The following GPAA1 variants were observed in gnomAD, a reference collection of about 807,000 sequenced individuals.
GPAA1 encodes the protein GPI-anchor transamidase component GPAA1.
A neutral mutation model predicts 64.0 loss-of-function variants in GPAA1; 54 were observed. That is an observed-to-expected ratio of 0.84 (90% confidence interval 0.68 to 1.06). The LOEUF (loss-of-function observed/expected upper bound fraction) is 1.06, where lower values mean the gene tolerates loss of function less well. Among genes scored for constraint, GPAA1 ranks in the 50% least tolerant of loss-of-function variants. The pLI, the probability that GPAA1 is intolerant of heterozygous loss-of-function variation, is 0.00. For missense variants in GPAA1, 780 were observed against 822.3 expected (o/e 0.95, Z 0.63); for synonymous variants, 393 against 377.3 (o/e 1.04, Z -0.48).
chr8:144,084,907 C>T (rs782517058), intron 8 of GPAA1, 32 bp downstream of exon 8: 4 of 1,610,520 alleles, frequency 2.5e-6, no homozygotes, highest in African/African-American at 2.7e-5. Flanking sequence ...CTACCTGTGA[C>T]CAGCCTCCAG....
At position 144,083,109 on chromosome 8, in the gene GPAA1, C is replaced by A; in HGVS notation, c.75-15C>A. The stretch of plus-strand genomic sequence containing the variant: ...ACCCGCTGACGCTCCGGTGCCCCTC[C>A]GTCCTCTCTCACAGCGTGCTGAGCT... On this transcript the variant is annotated splice_polypyrimidine_tract_variant and intron_variant, in intron 1 of 11. Transcript: ENST00000355091. The A allele has an allele frequency of 6.2e-7, 1 of 1,607,590 alleles. No homozygotes were observed. The highest frequency in any genetic ancestry group is 8.5e-7 in the Non-Finnish European group (1 of 1,177,238).
chr8:144,083,560 C>A, intron 3 of GPAA1, 60 bp downstream of exon 3: 1 of 1,462,748 alleles, frequency 6.8e-7, no homozygotes, highest in Admixed American at 1.7e-5. Flanking sequence ...GGGGTCTGGG[C>A]TGGGTATCAC....
rs782229443 is a variant in GPAA1 at position 144,083,441 on chromosome 8, G to A, written c.307G>A (p.Val103Ile). The A allele has an allele frequency of 3.1e-6, 5 of 1,613,642 alleles. No individual in the cohort carries two copies. Among genetic ancestry groups the A allele is most frequent in the South Asian group, 1.1e-5 (1 of 91,080 alleles). Residue 103 changes from valine to isoleucine, a missense_variant, in exon 3 of 12, where the codon GTC becomes ATC. Transcript: ENST00000355091. ...GACGATGCGGTCAGTAGGGCTGGAG[G>A]TCTACACGCAGAGTTTCTCCCGGAA... ...ERTMRSVGLE[V>I]YTQSFSRKLP...
rs368735326 is a variant in GPAA1 at position 144,084,421 on chromosome 8, C to G, written c.822C>G (p.Pro274=). 1.1e-5 allele frequency: 18 copies of G among 1,611,408 alleles called. No homozygotes were observed. The highest frequency in any genetic ancestry group is 2.2e-5 in the East Asian group (1 of 44,850). The part of the protein sequence containing the change: ...LLCTLQGKLQ[P]EDWTSLDGPL... ...GTCCTGCACCTCTAAAGCTGCAGCC[C>G]GAGGACTGGACATCATTGGATGGAC... is the stretch of plus-strand genomic sequence containing the variant. Residue 274 remains proline, a synonymous_variant, in exon 7 of 12, where the codon CCC becomes CCG. Coordinates refer to ENST00000355091, the MANE Select transcript of GPAA1 (RefSeq NM_003801.4).
chr8:144,084,081 G>A, intron 5 of GPAA1, 41 bp downstream of exon 5: 1 of 1,608,192 alleles, frequency 6.2e-7, no homozygotes, highest in Non-Finnish European at 8.5e-7. Flanking sequence ...CCCCTCTCAG[G>A]GTCACTGTCC....
rs1554763819 is a variant in GPAA1, at chr8:144,083,379, G to T, written c.255-10G>T. 2 of 1,612,618 alleles carry T rather than the reference G, an allele frequency of 1.2e-6. No homozygotes were observed. The highest frequency in any genetic ancestry group is 1.7e-5 in the Admixed American group (1 of 60,030). ...GGAGCTCTGCTCAGAGGCTCCCTTC[G>T]TGTCTGCAGGGCTCTGCCAGTGGCC... is the stretch of plus-strand genomic sequence containing the variant. On this transcript the variant is annotated splice_polypyrimidine_tract_variant and intron_variant, in intron 2 of 11. Transcript: ENST00000355091.
rs532849593 is a variant in GPAA1, at chr8:144,084,575, C to T, written c.976C>T (p.Arg326Cys). ...ALTLRGINSF[R>C]QYKYDLVAVG... ...AACCCTGCGTGGCATCAATAGCTTC[C>T]GCCAGTACAAGTATGACCTGGTGGC... The change falls in exon 7 of 12, where the codon CGC becomes TGC. Residue 326 changes from arginine to cysteine, a missense_variant. Arg to Cys is a radical substitution (Grantham distance 180, BLOSUM62 -3). Coordinates refer to ENST00000355091, the MANE Select transcript of GPAA1 (RefSeq NM_003801.4). The T allele has an allele frequency of 9.3e-6, 15 of 1,613,818 alleles. No individual in the cohort carries two copies. The East Asian group carries it at 1.8e-4, about 19-fold the overall frequency.
chr8:144,085,888 C>T lies in GPAA1; in HGVS notation c.1629C>T (p.Leu543=). 6.2e-7 allele frequency: 1 copy of T among 1,606,568 alleles called. No individual in the cohort carries two copies. Among genetic ancestry groups the T allele is most frequent in the Non-Finnish European group, 8.5e-7 (1 of 1,176,054 alleles). The change falls in exon 12 of 12, where the codon CTC becomes CTT. Residue 543 remains leucine, a synonymous_variant. Transcript: ENST00000355091. The part of the protein sequence containing the change: ...ALAKPHGPRT[L]YAALLVLTSP... ...ATGTTGCTTCTCCACCCAGGACCCT[C>T]TATGCTGCCCTGCTGGTGCTGACCA...
In GPAA1 at chr8:144,085,285, G is replaced by A. The variant is rs782374488; in HGVS notation, c.1261-4G>A. The A allele has an allele frequency of 6.3e-7, 1 of 1,595,696 alleles. No homozygotes were observed. The highest frequency in any genetic ancestry group is 1.7e-5 in the Admixed American group (1 of 59,104). ...CCATCTCCAAGAGCCTGTGTGCCCTGCAGGGTGTGGGGCTGGCCTCGCTCG... is the reference window on the plus strand; with the variant it reads ...CCATCTCCAAGAGCCTGTGTGCCCTACAGGGTGTGGGGCTGGCCTCGCTCG... On this transcript the variant is annotated splice_polypyrimidine_tract_variant and splice_region_variant and intron_variant, in intron 9 of 11. Coordinates refer to ENST00000355091, the MANE Select transcript of GPAA1 (RefSeq NM_003801.4).
At chr8:144,083,583 T>G in intron 3 of GPAA1, 83 bp downstream of exon 3, 1 of 1,426,616 alleles carries the variant, frequency 7.0e-7, no homozygotes, top group Non-Finnish European at 9.9e-7. Flanking sequence ...TGCGGGGGTG[T>G]CATGGGGCCA....
chr8:144,084,625 T>TC lies in GPAA1; in HGVS notation c.1010+22dup, dbSNP rs782735321. The TC allele has an allele frequency of 1.5e-5, 24 of 1,606,950 alleles. No homozygotes were observed. The highest frequency in any genetic ancestry group is 1.9e-5 in the Non-Finnish European group (22 of 1,174,604). On this transcript the variant is annotated intron_variant, in intron 7 of 11. Transcript: ENST00000355091. ...CAGTGGGCAAGTAAGTAGTCTCTGG[T>TC]CCCCCCTTTCCATGCCCAGGATGGG...
In GPAA1 at chr8:144,083,859, G is replaced by A. The variant is rs782719892; in HGVS notation, c.512G>A (p.Arg171Gln). The A allele has an allele frequency of 1.9e-6, 3 of 1,612,980 alleles. No individual in the cohort carries two copies. The highest frequency in any genetic ancestry group is 2.2e-5 in the East Asian group (1 of 44,874). The change falls in exon 4 of 12, where the codon CGG (arginine) becomes CAG (glutamine). Residue 171 changes from arginine (R) to glutamine (Q), a missense_variant and splice_region_variant. Transcript: ENST00000355091. ...CTGCTGGCACTGGCTGCCCACTTCC[G>A]GGGTGAGTCTCAGGGCTGCTGGCCG... ...GLLLALAAHFRGQIYWAKDIV... is the reference protein window; with the variant it reads ...GLLLALAAHFQGQIYWAKDIV...
chr8:144,084,960 G>T (rs1229986970), intron 8 of GPAA1, 83 bp from the exon 9 acceptor site: 1 of 1,568,470 alleles, frequency 6.4e-7, no homozygotes, highest in East Asian at 2.2e-5. Flanking sequence ...ATCCTGATGG[G>T]GGGTGGGGTA....
At chr8:144,083,605 G>A (rs1325262630) in intron 3 of GPAA1, 105 bp downstream of exon 3, 12 of 1,415,308 alleles carry the variant, frequency 8.5e-6, no homozygotes, top group African/African-American at 1.4e-5. Context: ...GAAGCTCAGT[G>A]GGAGGGAAAT....
rs782747541 is a variant in GPAA1, at chr8:144,086,095, G to A, written c.1836G>A (p.Leu612=). The change falls in exon 12 of 12, where the codon CTG becomes CTA. Residue 612 remains leucine, a synonymous_variant. Coordinates refer to ENST00000355091, the MANE Select transcript of GPAA1 (RefSeq NM_003801.4). The part of the protein sequence containing the change: ...LLSLGLYPCW[L]LFWNVLFWK ...CCCTGGGCCTCTACCCCTGCTGGCTGCTTTTCTGGAATGTGCTCTTCTGGA... is the reference window on the plus strand; with the variant it reads ...CCCTGGGCCTCTACCCCTGCTGGCTACTTTTCTGGAATGTGCTCTTCTGGA... 18 of 1,613,554 alleles carry A rather than the reference G, an allele frequency of 1.1e-5. No homozygotes were observed. The Admixed American group carries it at 2.8e-4, about 25-fold the overall frequency.
Position 144,085,727 on chromosome 8 carries a change from A to G in GPAA1, c.1606A>G (p.Lys536Glu). ...CATGGTGCCCACTGCTGCGCTTGCC[A>G]AGCCTCATGGGCCCCGGTATGTATG... ...TTMVPTAALA[K>E]PHGPRTLYAA... Residue 536 changes from lysine to glutamate, a missense_variant, in exon 11 of 12, where the codon AAG becomes GAG. Physicochemically the swap from Lys to Glu is moderately conservative, Grantham distance 56 (BLOSUM62 1). Transcript: ENST00000355091. 1 of 1,612,874 alleles carries G rather than the reference A, an allele frequency of 6.2e-7. No homozygotes were observed. The highest frequency in any genetic ancestry group is 8.5e-7 in the Non-Finnish European group (1 of 1,179,928).
At position 144,085,393 on chromosome 8, in the gene GPAA1, C is replaced by G. The variant is rs782674017; in HGVS notation, c.1365C>G (p.His455Gln). ...PVLGQHVATQ[H>Q]FPVAEAEAVV... is the part of the protein sequence containing the mutation. ...TGGGCCAACACGTTGCCACCCAGCA[C>G]TTCCCAGTGGCAGAGGCTGAGGCTG... Residue 455 changes from histidine to glutamine, a missense_variant, in exon 10 of 12, where the codon CAC (histidine) becomes CAG (glutamine). His to Gln is a conservative substitution (Grantham distance 24, BLOSUM62 0). Transcript: ENST00000355091. 1.2e-6 allele frequency: 2 copies of G among 1,607,746 alleles called. No individual in the cohort carries two copies. The highest frequency in any genetic ancestry group is 1.7e-6 in the Non-Finnish European group (2 of 1,179,894).
In GPAA1 at chr8:144,084,293, G is replaced by T. The variant is rs782688828; in HGVS notation, c.776G>T (p.Cys259Phe). ...CTGCTCAATCTCTTCCAGACCTTCT[G>T]CCAGAAAGGGGGCCTGTTGTGCACG... is the stretch of plus-strand genomic sequence containing the variant. Reference protein sequence around the residue: ...LDLLNLFQTFCQKGGLLCTLQ... With the variant: ...LDLLNLFQTFFQKGGLLCTLQ... The change falls in exon 6 of 12, where the codon TGC (cysteine) becomes TTC (phenylalanine). Residue 259 changes from cysteine (C) to phenylalanine (F), a missense_variant. Cys to Phe is a radical substitution (Grantham distance 205, BLOSUM62 -2). Transcript: ENST00000355091. 6.2e-7 allele frequency: 1 copy of T among 1,613,840 alleles called. No homozygotes were observed. The highest frequency in any genetic ancestry group is 8.5e-7 in the Non-Finnish European group (1 of 1,180,018).
In GPAA1 at chr8:144,086,155, T is replaced by C; in HGVS notation, c.*30T>C. 1.2e-6 allele frequency: 2 copies of C among 1,600,114 alleles called. No homozygotes were observed. The highest frequency in any genetic ancestry group is 1.7e-6 in the Non-Finnish European group (2 of 1,171,402). On this transcript the variant is annotated 3_prime_UTR_variant, in exon 12 of 12. Transcript: ENST00000355091. ...TGCCTGTCCGGGCTGGGACAGAGAC[T>C]CCCCAAGGACCCCATTCTGCCTCCT...
Sources: allele counts gnomAD v4.1 joint callset, GRCh38; gene constraint gnomAD v4.1.1; transcripts MANE v1.5; gene names NCBI Gene and HGNC (gene_info 2026-07-23, HGNC 2026-07-21).